CADM4: variants seen among roughly 807,000 people sequenced by gnomAD.
CADM4 encodes the protein cell adhesion molecule 4, also known as TSLC1-like 2.
CADM4 carries 13 observed loss-of-function variants against 43.9 expected under a neutral mutation model. The observed-to-expected ratio is 0.30, with a 90% confidence interval of 0.19 to 0.47. The LOEUF (loss-of-function observed/expected upper bound fraction) is 0.47. Among genes scored for constraint, CADM4 ranks in the 20% least tolerant of loss-of-function variants. The pLI is 1.00. For synonymous variants in CADM4, 209 were observed against 220.9 expected, an observed-to-expected ratio of 0.95 and a Z score of 0.48; for missense variants, 420 against 527.0, an observed-to-expected ratio of 0.80 and a Z score of 1.99.
chr19:43,630,257 T>A (rs928216047), intron 1 of CADM4, among the ~76,000 whole-genome samples: 60 of 148,236 alleles, frequency 4.0e-4, no homozygotes, highest in Non-Finnish European at 7.6e-4. Context: ...TATCCCCATT[T>A]TCCCCCATTT....
chr19:43,625,146 C>A lies in CADM4; in HGVS notation c.860G>T (p.Gly287Val). The change falls in exon 7 of 9, where the codon GGC becomes GTC. Residue 287 changes from glycine (G) to valine (V), a missense_variant. Coordinates refer to ENST00000222374, the MANE Select transcript of CADM4 (RefSeq NM_145296.2). The surrounding 1 kb of genome is among the most constrained non-coding windows in gnomAD (Gnocchi z 4.5). ...ATTGGACGCCTCGCAAGTGTAGGTG[C>A]CGTTATCCGCGGATACCAGACCCGG... ...TLPGLVSADN[G>V]TYTCEASNKH... The A allele has an allele frequency of 6.2e-7, 1 of 1,613,992 alleles. No individual in the cohort carries two copies.
At position 43,627,350 on chromosome 19, in the gene CADM4, C is replaced by T. The variant is rs898416283; in HGVS notation, c.212-32G>A. The T allele has an allele frequency of 3.9e-6, 6 of 1,539,510 alleles. No individual in the cohort carries two copies. Among genetic ancestry groups the T allele is most frequent in the African/African-American group, 1.4e-5 (1 of 73,040 alleles). On this transcript the variant is annotated intron_variant, in intron 2 of 8. Transcript: ENST00000222374. The surrounding 1 kb of genome is among the most constrained non-coding windows in gnomAD (Gnocchi z 4.0). ...AGAGTGAGGGGGAAGGTGTGAATTT[C>T]GGGAGTCCTGGCCTCACAAGTCCCA...
In CADM4 at chr19:43,626,350, G is replaced by A. The variant is rs1287086572; in HGVS notation, c.500-62C>T. ...TCCGGCTCCATCCACCCACCCACCC[G>A]AGCCAACGCCAAAGCAGGCTATTTG... On this transcript the variant is annotated intron_variant, in intron 4 of 8. Transcript: ENST00000222374. This position sits in a 1 kb window ranked among gnomAD's most constrained non-coding sequence, Gnocchi z 5.9. 28 of 1,576,038 alleles carry A rather than the reference G, an allele frequency of 1.8e-5. No homozygotes were observed. The Middle Eastern group carries it at 5.0e-4, about 28-fold the overall frequency.
rs1286432643 is a variant in CADM4 at position 43,625,914 on chromosome 19, G to C, written c.752C>G (p.Pro251Arg). 6.2e-7 allele frequency: 1 copy of C among 1,613,972 alleles called. No individual in the cohort carries two copies. Among genetic ancestry groups the C allele is most frequent in the Non-Finnish European group, 8.5e-7 (1 of 1,179,930 alleles). The change falls in exon 6 of 9, where the codon CCC (proline) becomes CGC (arginine). Residue 251 changes from proline to arginine, a missense_variant. Coordinates refer to ENST00000222374, the MANE Select transcript of CADM4 (RefSeq NM_145296.2). The surrounding 1 kb of genome is among the most constrained non-coding windows in gnomAD (Gnocchi z 4.5). The stretch of plus-strand genomic sequence containing the variant: ...GCAGGAGGCCCCCAGAGCTCACCTG[G>C]GGTTCCCCGTGACAGCACACGTCAA... The part of the protein sequence containing the change: ...LVLTCAVTGN[P>R]RPNQIRWNRG...
At chr19:43,633,071 C>CAAA (rs1167707172) in intron 1 of CADM4, among the ~76,000 whole-genome samples, 5 of 56,972 alleles carry the variant, frequency 8.8e-5, no homozygotes, top group African/African-American at 2.6e-4. Context: ...GACTCTGTCT[C>CAAA]AAAAAAAAAA....
At chr19:43,641,634 C>T (rs1255010974), upstream of CADM4, among the ~76,000 whole-genome samples, 1 of 152,198 alleles carries the variant, frequency 6.6e-6, no homozygotes, top group Non-Finnish European at 1.5e-5. Context: ...TCCAGCAATC[C>T]TCTCTGTCCT....
At chr19:43,636,136 C>T (rs1447459260) in intron 1 of CADM4, among the ~76,000 whole-genome samples, 1 of 152,106 alleles carries the variant, frequency 6.6e-6, no homozygotes, top group African/African-American at 2.4e-5. Flanking sequence ...CACAGTCCTG[C>T]CTTTCCTCAA....
Position 43,626,012 on chromosome 19 carries a change from AAAGT to A in CADM4, c.665-15_665-12del. The A allele has an allele frequency of 6.2e-7, 1 of 1,614,114 alleles. No individual in the cohort carries two copies. Among genetic ancestry groups the A allele is most frequent in the African/African-American group, 1.3e-5 (1 of 75,028 alleles). On this transcript the variant is annotated splice_polypyrimidine_tract_variant and intron_variant, in intron 5 of 8. Transcript: ENST00000222374. This position sits in a 1 kb window ranked among gnomAD's most constrained non-coding sequence, Gnocchi z 5.9. ...GGGCCGTGGGGGAGTCTGTTAGGCA[AAAGT>A]AAGAGGAGAGAGTAGTTTCCAAGCC...
intron 1 of CADM4, among the ~76,000 whole-genome samples, chr19:43,629,347 GTGTC>G (rs1258673355): frequency 6.6e-6 from 1 of 152,140 alleles, no homozygotes; most frequent in Non-Finnish European, 1.5e-5. Flanking sequence ...GATTTCAGGG[GTGTC>G]TGTTACAGCC....
intron 1 of CADM4, among the ~76,000 whole-genome samples, chr19:43,638,363 C>T (rs903884935): frequency 6.6e-6 from 1 of 152,328 alleles, no homozygotes; most frequent in South Asian, 2.1e-4. Context: ...CCATTGGCTG[C>T]GATGGCAAAT....
In CADM4 at chr19:43,626,163, C is replaced by T. The variant is rs147390796; in HGVS notation, c.625G>A (p.Gly209Arg). Residue 209 changes from glycine (G) to arginine (R), a missense_variant, in exon 5 of 9, where the codon GGA becomes AGA. Gly to Arg is a moderately radical substitution (Grantham distance 125, BLOSUM62 -2). Coordinates refer to ENST00000222374, the MANE Select transcript of CADM4 (RefSeq NM_145296.2). This position sits in a 1 kb window ranked among gnomAD's most constrained non-coding sequence, Gnocchi z 5.9. ...CEAQNQALPS[G>R]HSKQTQYVLD... ...ACGTACTGCGTCTGCTTGCTGTGTC[C>T]GGAGGGCAGCGCCTGGTTCTGCGCC... The T allele has an allele frequency of 7.0e-4, 1,136 of 1,613,904 alleles. 1 individual carries two copies. Among genetic ancestry groups the T allele is most frequent in the Non-Finnish European group, 9.0e-4 (1,057 of 1,179,954 alleles).
Position 43,626,801 on chromosome 19 carries a change from TC to T in CADM4, c.481del (p.Asp161ThrfsTer5). The T allele has an allele frequency of 6.2e-7, 1 of 1,600,612 alleles. No homozygotes were observed. Among genetic ancestry groups the T allele is most frequent in the Non-Finnish European group, 8.5e-7 (1 of 1,171,870 alleles). ...RPAATLRWYR[D>X]RKELKGVSSS... ...CAGGGTACCTTTCAGCTCCTTGCGG[TC>T]CCGGTACCAGCGCAGGGTGGCAGCC... On this transcript the variant is annotated frameshift_variant, in exon 4 of 9. Coordinates refer to ENST00000222374, the MANE Select transcript of CADM4 (RefSeq NM_145296.2). LOFTEE classifies it high-confidence loss of function. This position sits in a 1 kb window ranked among gnomAD's most constrained non-coding sequence, Gnocchi z 5.9.
Position 43,627,240 on chromosome 19 carries a change from T to C in CADM4, c.290A>G (p.Glu97Gly). The C allele has an allele frequency of 6.2e-7, 1 of 1,606,026 alleles. No homozygotes were observed. The highest frequency in any genetic ancestry group is 8.5e-7 in the Non-Finnish European group (1 of 1,175,938). The part of the protein sequence containing the change: ...VRIRLSDARL[E>G]DEGGYFCQLY... ...CTGGCAGAAATAGCCCCCCTCGTCC[T>C]CCAGGCGGGCATCTGAGAGCCGGAT... Residue 97 changes from glutamate (E) to glycine (G), a missense_variant, in exon 3 of 9, where the codon GAG (glutamate) becomes GGG (glycine). Glu to Gly is a moderately conservative substitution (Grantham distance 98). Coordinates refer to ENST00000222374, the MANE Select transcript of CADM4 (RefSeq NM_145296.2). This position sits in a 1 kb window ranked among gnomAD's most constrained non-coding sequence, Gnocchi z 4.0.
chr19:43,639,705 C>G (rs1359459483), intron 1 of CADM4, 22 bp downstream of exon 1: 8 of 988,122 alleles, frequency 8.1e-6, no homozygotes, highest in East Asian at 1.1e-4. Context: ...CCCGGCCGGC[C>G]GACCCCGGCC....
Position 43,625,025 on chromosome 19 carries a change from C to A in CADM4, c.928+53G>T. 1.7e-6 allele frequency: 2 copies of A among 1,204,090 alleles called. No individual in the cohort carries two copies. The highest frequency in any genetic ancestry group is 2.7e-5 in the East Asian group (1 of 36,650). 74.6% of individuals were successfully genotyped at this position (1,204,090 alleles called of 1,614,324 possible). On this transcript the variant is annotated intron_variant, in intron 7 of 8. Transcript: ENST00000222374. This position sits in a 1 kb window ranked among gnomAD's most constrained non-coding sequence, Gnocchi z 4.5. ...GTGGCCTCTTTGCTCAAGCCCCGCC[C>A]CCGCCACCTGGCGCCCCGCCCCCGC...
At position 43,625,372 on chromosome 19, in the gene CADM4, G is replaced by A; in HGVS notation, c.756-122C>T. The A allele has an allele frequency of 1.0e-6, 1 of 977,248 alleles. No homozygotes were observed. Among genetic ancestry groups the A allele is most frequent in the Non-Finnish European group, 1.5e-6 (1 of 679,126 alleles). The allele number at this position is 977,248 out of a possible 1,614,324, so 60.5% of individuals were successfully genotyped here. A position where few individuals can be genotyped will look rare whatever the true frequency, so the allele number is the denominator to read the frequency against. On this transcript the variant is annotated intron_variant, in intron 6 of 8. Coordinates refer to ENST00000222374, the MANE Select transcript of CADM4 (RefSeq NM_145296.2). This position sits in a 1 kb window ranked among gnomAD's most constrained non-coding sequence, Gnocchi z 4.5. ...GGGACCTCCAAATAAGAGGCTTCCT[G>A]CTATCTCTTTCCTTTCTGGAAAACC...
chr19:43,635,355 C>G (rs1326556945), intron 1 of CADM4, among the ~76,000 whole-genome samples: 2 of 151,862 alleles, frequency 1.3e-5, no homozygotes, highest in African/African-American at 4.8e-5. Context: ...GTCCGAACAT[C>G]CTCGCACAAA....
chr19:43,626,360 C>T lies in CADM4; in HGVS notation c.500-72G>A. Reference sequence around the variant, plus strand: ...TCCACCCACCCACCCGAGCCAACGCCAAAGCAGGCTATTTGCCAAGCTCCA... The same window carrying T: ...TCCACCCACCCACCCGAGCCAACGCTAAAGCAGGCTATTTGCCAAGCTCCA... On this transcript the variant is annotated intron_variant, in intron 4 of 8. Transcript: ENST00000222374. The surrounding 1 kb of genome is among the most constrained non-coding windows in gnomAD (Gnocchi z 5.9). 1 of 1,560,810 alleles carries T rather than the reference C, an allele frequency of 6.4e-7. No homozygotes were observed.
At chr19:43,628,526 G>C (rs1272523822) in intron 1 of CADM4, among the ~76,000 whole-genome samples, 1 of 152,126 alleles carries the variant, frequency 6.6e-6, no homozygotes, top group Non-Finnish European at 1.5e-5. Context: ...TTTCACACCT[G>C]GGCACATGTT....
Sources: gnomAD v4.1 joint callset for allele counts (sites outside exome capture counted in the v4.1 genomes callset) on GRCh38, gnomAD v4.1.1 for gene constraint, Gnocchi (gnomAD v3.1) non-coding constraint, MANE v1.5 for transcripts, NCBI Gene and HGNC (gene_info 2026-07-23, HGNC 2026-07-21) for gene names.